The following ATAD2B variants were observed in gnomAD, a reference collection of about 807,000 sequenced individuals.
ATAD2B encodes ATPase family AAA domain-containing protein 2B.
A neutral mutation model predicts 167.6 loss-of-function variants in ATAD2B; 40 were observed. The observed-to-expected ratio is 0.24, with a 90% CI of 0.19 to 0.31. ATAD2B has a LOEUF of 0.31. Among genes scored for constraint, ATAD2B ranks in the 10% least tolerant of loss-of-function variants. The probability of loss-of-function intolerance (pLI) is 1.00; values close to 1 mark genes in which losing one functional copy is unlikely to be tolerated. For missense variants in ATAD2B, 1,242 were observed against 1,757.2 expected, an observed-to-expected ratio of 0.71 and a Z score of 5.24; for synonymous variants, 579 against 596.5, an observed-to-expected ratio of 0.97 and a Z score of 0.43.
At chr2:23,844,083 C>T (rs994550215) in intron 13 of ATAD2B, among the ~76,000 whole-genome samples, 4 of 152,052 alleles carry the variant, frequency 2.6e-5, no homozygotes, top group African/African-American at 9.7e-5. Flanking sequence ...GGATTACAGG[C>T]ACCCGCCACC....
At chr2:23,868,076 G>T in intron 9 of ATAD2B, 130 bp from the exon 10 acceptor site, 1 of 636,086 alleles carries the variant, frequency 1.6e-6, no homozygotes, top group Non-Finnish European at 2.7e-6. Context: ...TAATATCAAA[G>T]GATTTCATAC....
chr2:23,869,855 C>T (rs959032708), intron 8 of ATAD2B, 94 bp from the exon 9 acceptor site: 4 of 761,884 alleles, frequency 5.3e-6, no homozygotes, highest in African/African-American at 1.8e-5. Flanking sequence ...AGAGAAAATT[C>T]ATTCAGCAAA....
intron 22 of ATAD2B, among the ~76,000 whole-genome samples, chr2:23,770,917 T>C (rs1678225299): frequency 6.6e-6 from 1 of 152,212 alleles, no homozygotes; most frequent in Non-Finnish European, 1.5e-5. Flanking sequence ...TGTGGTTCAA[T>C]CTGGAGAGAA....
At chr2:23,855,032 T>C (rs1693157720) in intron 13 of ATAD2B, among the ~76,000 whole-genome samples, 1 of 151,982 alleles carries the variant, frequency 6.6e-6, no homozygotes, top group African/African-American at 2.4e-5. Flanking sequence ...CTGTCTCTAC[T>C]AAAAATACAA....
At chr2:23,859,200 T>C (rs906865250) in intron 12 of ATAD2B, among the ~76,000 whole-genome samples, 1 of 152,240 alleles carries the variant, frequency 6.6e-6, no homozygotes, top group Non-Finnish European at 1.5e-5. Flanking sequence ...GGATACATTA[T>C]ATATCCATAA....
At chr2:23,873,412 CCAA>C (rs1696301569) in intron 8 of ATAD2B, among the ~76,000 whole-genome samples, 1 of 152,152 alleles carries the variant, frequency 6.6e-6, no homozygotes, top group Non-Finnish European at 1.5e-5. Flanking sequence ...CTTGCGAATA[CCAA>C]AATTCAAGTA....
At chr2:23,913,697 G>T (rs1238532759) in intron 1 of ATAD2B, among the ~76,000 whole-genome samples, 2 of 150,820 alleles carry the variant, frequency 1.3e-5, no homozygotes, top group Non-Finnish European at 1.5e-5. Context: ...AATCTCAATT[G>T]AAATTAAAAT....
chr2:23,699,456 G>A, the ATAD2B span, among the ~76,000 whole-genome samples: 10 of 152,174 alleles, frequency 6.6e-5, no homozygotes, highest in Non-Finnish European at 1.2e-4. Context: ...CAAGGAACCC[G>A]ACAGAAACAC....
In ATAD2B at chr2:23,862,401, G is replaced by GTTTTTTTTTTTTT. The variant is rs750865073; in HGVS notation, c.1479+967_1479+979dup. Among the ~76,000 whole-genome samples the GTTTTTTTTTTTTT allele has an allele frequency of 1.9e-4, 19 of 99,432 alleles. 2 individuals are homozygous for GTTTTTTTTTTTTT. The highest frequency in any genetic ancestry group is 6.8e-4 in the African/African-American group (17 of 25,150). 65.2% of individuals were successfully genotyped at this position (99,432 alleles called of 152,430 possible). On this transcript the variant is annotated intron_variant, in intron 12 of 27. Coordinates refer to ENST00000238789, the MANE Select transcript of ATAD2B (RefSeq NM_017552.4). ...CAAAAGTGAATTTATATTTGGACTGGTTTTTTTTTTTTTTTTTTTTTTTTT... is the reference window on the plus strand; with the variant it reads ...CAAAAGTGAATTTATATTTGGACTGGTTTTTTTTTTTTTTTTTTTTTTTTTTTTTTTTTTTTTT...
chr2:23,842,602 G>A (rs189461451), intron 13 of ATAD2B, among the ~76,000 whole-genome samples: 33 of 152,200 alleles, frequency 2.2e-4, no homozygotes, highest in African/African-American at 7.7e-4. Flanking sequence ...ATGCAACAGG[G>A]GTTGGGAGGG....
Position 23,810,312 on chromosome 2 carries a change from C to A in ATAD2B, c.2454+4G>T. On this transcript the variant is annotated splice_donor_region_variant and intron_variant, in intron 18 of 27. Coordinates refer to ENST00000238789, the MANE Select transcript of ATAD2B (RefSeq NM_017552.4). ...GGAAGTGCTCTGATGTGGTACAAACCTACCTGTGCACATGATTCCTCAGGT... is the reference window on the plus strand; with the variant it reads ...GGAAGTGCTCTGATGTGGTACAAACATACCTGTGCACATGATTCCTCAGGT... The A allele has an allele frequency of 6.2e-7, 1 of 1,611,536 alleles. No homozygotes were observed. Among genetic ancestry groups the A allele is most frequent in the Non-Finnish European group, 8.5e-7 (1 of 1,178,020 alleles).
Position 23,808,105 on chromosome 2 carries a change from G to GTAATTATATATATAATTATATATATAA in ATAD2B, c.2454+2210_2454+2211insTTATATATATAATTATATATATAATTA, listed in dbSNP as rs1558569959. Among the ~76,000 whole-genome samples the GTAATTATATATATAATTATATATATAA allele has an allele frequency of 4.1e-5, 5 of 121,838 alleles. 1 individual carries two copies. In the South Asian group the frequency reaches 9.5e-4, roughly 23 times the overall value. The allele number at this position is 121,838 out of a possible 152,430, so 79.9% of individuals were successfully genotyped here. ...ATTATATATATAATTATATATATAA[G>GTAATTATATATATAATTATATATATAA]TAATTATATATATAATTATTATATA... On this transcript the variant is annotated intron_variant, in intron 18 of 27. Transcript: ENST00000238789.
At chr2:23,681,610 A>G in the ATAD2B span, among the ~76,000 whole-genome samples, 1 of 152,268 alleles carries the variant, frequency 6.6e-6, no homozygotes, top group South Asian at 2.1e-4. The surrounding 1 kb of genome is among the most constrained non-coding windows in gnomAD (Gnocchi z 4.2). Context: ...CATGACACCC[A>G]GGGGGCTACC....
At chr2:23,806,082 T>A (rs1253604090) in intron 18 of ATAD2B, 1 of 152,202 alleles carries the variant, frequency 6.6e-6, no homozygotes, top group African/African-American at 2.4e-5. Context: ...AAATTTTATA[T>A]AATCAAATTC....
the ATAD2B span, among the ~76,000 whole-genome samples, chr2:23,692,027 G>C: frequency 1.3e-5 from 2 of 152,172 alleles, no homozygotes; most frequent in Non-Finnish European, 2.9e-5. Flanking sequence ...GTTTTAAGAT[G>C]GTAATTCAGA....
chr2:23,832,607 C>T (rs928870577), intron 14 of ATAD2B: 4 of 161,234 alleles, frequency 2.5e-5, no homozygotes, highest in East Asian at 1.9e-4. Context: ...CAAAATAGAA[C>T]GTTTCCATCA....
At chr2:23,741,108 G>A in the ATAD2B span, among the ~76,000 whole-genome samples, 1 of 151,842 alleles carries the variant, frequency 6.6e-6, no homozygotes. Context: ...AATCAATATC[G>A]TGAAAATGGC....
At chr2:23,831,936 T>C (rs145586270) in intron 14 of ATAD2B, among the ~76,000 whole-genome samples, 160 of 152,320 alleles carry the variant, frequency 1.1e-3, no homozygotes, top group African/African-American at 3.6e-3. Context: ...GAAAAACTCT[T>C]TTTAAAACAT....
In ATAD2B at chr2:23,786,065, G is replaced by A. The variant is rs1208839021; in HGVS notation, c.2935C>T (p.Arg979Cys). The A allele has an allele frequency of 3.1e-6, 5 of 1,612,012 alleles. No homozygotes were observed. Among genetic ancestry groups the A allele is most frequent in the African/African-American group, 1.3e-5 (1 of 74,808 alleles). ...DVTKRLATDK[R>C]FNIFSKPVDI... ...ACCGGTTTGCTGAAGATGTTAAAGC[G>A]TTTATCTGTGGCCAGCCTCTTGGTT... The change falls in exon 21 of 28, where the codon CGC (arginine) becomes TGC (cysteine). Residue 979 changes from arginine to cysteine, a missense_variant. Transcript: ENST00000238789.
Sources: allele counts gnomAD v4.1 joint callset (sites outside exome capture counted in the v4.1 genomes callset), GRCh38; gene constraint gnomAD v4.1.1; non-coding constraint Gnocchi (gnomAD v3.1); transcripts MANE v1.5; gene names NCBI Gene and HGNC (gene_info 2026-07-23, HGNC 2026-07-21).